The following MINAR2 variants were observed in gnomAD, a reference collection of about 807,000 sequenced individuals.
MINAR2 encodes the protein membrane integral NOTCH2 associated receptor 2.
MINAR2 carries 21 observed loss-of-function variants against 16.1 expected under a neutral mutation model. The observed-to-expected ratio is 1.31, with a 90% CI of 0.93 to 1.88. The LOEUF is 1.88. Among genes scored for constraint, MINAR2 ranks in the 40% most tolerant of loss-of-function variants. The pLI is 0.00. For synonymous variants in MINAR2, 86 were observed against 83.0 expected (o/e 1.04, Z -0.20); for missense variants, 259 against 229.8 (o/e 1.13, Z -0.82).
chr5:129,752,741 T>A (rs192444609), intron 1 of MINAR2, among the ~76,000 whole-genome samples: 126 of 151,150 alleles, frequency 8.3e-4, no homozygotes, highest in Middle Eastern at 3.4e-3. Context: ...AAGTATAATT[T>A]AAAAAAATTC....
At chr5:129,760,229 C>T (rs775824684) in intron 1 of MINAR2, 149 bp from the exon 2 acceptor site, 24 of 636,512 alleles carry the variant, frequency 3.8e-5, no homozygotes, top group Middle Eastern at 4.3e-4. Context: ...CTAGGTCAAA[C>T]GAAACCCTAG....
chr5:129,754,748 G>T (rs1405196420), intron 1 of MINAR2, among the ~76,000 whole-genome samples: 1 of 152,098 alleles, frequency 6.6e-6, no homozygotes, highest in African/African-American at 2.4e-5. Flanking sequence ...AATCCAGAAA[G>T]TGTGTTAACA....
intron 1 of MINAR2, among the ~76,000 whole-genome samples, chr5:129,753,745 T>C (rs776061568): frequency 1.4e-5 from 2 of 148,060 alleles, no homozygotes; most frequent in African/African-American, 2.5e-5. Flanking sequence ...AGGGTGGGAC[T>C]CCGTTGAAAG....
At chr5:129,755,761 T>G (rs1207422271) in intron 1 of MINAR2, among the ~76,000 whole-genome samples, 1 of 152,130 alleles carries the variant, frequency 6.6e-6, no homozygotes, top group African/African-American at 2.4e-5. Context: ...TGAAATAGCT[T>G]TCAACTTTGT....
rs1482034509 is a variant in MINAR2, at chr5:129,760,448, G to GC, written c.242dup (p.Pro82ThrfsTer10). On this transcript the variant is annotated frameshift_variant, in exon 2 of 3. Coordinates refer to ENST00000564719, the MANE Select transcript of MINAR2 (RefSeq NM_001257308.2). LOFTEE classifies it high-confidence loss of function. ...GCAGACAGCCTTGTCACTGCTGATA[G>GC]CCCCCCACCATCCATGTCATCAGTT... is the stretch of plus-strand genomic sequence containing the variant. 1 of 1,535,740 alleles carries GC rather than the reference G, an allele frequency of 6.5e-7. No homozygotes were observed. The highest frequency in any genetic ancestry group is 8.7e-7 in the Non-Finnish European group (1 of 1,146,560).
chr5:129,760,513 G>A lies in MINAR2; in HGVS notation c.301G>A (p.Glu101Lys), dbSNP rs1758119714. Residue 101 changes from glutamate (E) to lysine (K), a missense_variant, in exon 2 of 3, where the codon GAA (glutamate) becomes AAA (lysine). Glu to Lys is a moderately conservative substitution (Grantham distance 56). Coordinates refer to ENST00000564719, the MANE Select transcript of MINAR2 (RefSeq NM_001257308.2). Reference sequence around the variant, plus strand: ...ACTCTATGGTGACCTAAGTTTGGAGGAAGCTATGGAAGAAAGAAAAAAGAA... The same window carrying A: ...ACTCTATGGTGACCTAAGTTTGGAGAAAGCTATGGAAGAAAGAAAAAAGAA... Reference protein sequence around the residue: ...NPLYGDLSLEEAMEERKKNPS... With the variant: ...NPLYGDLSLEKAMEERKKNPS... The A allele has an allele frequency of 4.6e-6, 7 of 1,535,604 alleles. No individual in the cohort carries two copies. The Admixed American group carries it at 1.4e-4, about 30-fold the overall frequency.
intron 1 of MINAR2, among the ~76,000 whole-genome samples, chr5:129,757,897 T>A (rs1475957875): frequency 2.6e-5 from 4 of 151,952 alleles, no homozygotes; most frequent in African/African-American, 9.7e-5. Flanking sequence ...TCTCTCATAT[T>A]TCTCTTTTAC....
chr5:129,757,082 A>C (rs921548554), intron 1 of MINAR2, among the ~76,000 whole-genome samples: 2 of 149,724 alleles, frequency 1.3e-5, no homozygotes, highest in African/African-American at 2.5e-5. Context: ...ATATATATAT[A>C]TCTCATCACA....
Position 129,748,258 on chromosome 5 carries a change from T to C in MINAR2, c.68T>C (p.Leu23Ser), listed in dbSNP as rs145318066. The change falls in exon 1 of 3, where the codon TTA becomes TCA. Residue 23 changes from leucine (L) to serine (S), a missense_variant. By Grantham distance (145) the Leu-to-Ser change is moderately radical. Transcript: ENST00000564719. The part of the protein sequence containing the change: ...DKFLQLDVKS[L>S]TRSSALLQAS... ...TTCCTGCAGCTTGACGTAAAGTCTT[T>C]AACGAGGAGCTCAGCCCTCCTTCAG... is the stretch of plus-strand genomic sequence containing the variant. The C allele has an allele frequency of 2.6e-6, 4 of 1,535,276 alleles. No individual in the cohort carries two copies. The East Asian group carries it at 7.3e-5, about 28-fold the overall frequency.
chr5:129,759,786 A>G (rs1223383171), intron 1 of MINAR2, among the ~76,000 whole-genome samples: 1 of 151,500 alleles, frequency 6.6e-6, no homozygotes, highest in Non-Finnish European at 1.5e-5. Flanking sequence ...CAATTTGAAA[A>G]GTTTTTAAAA....
intron 1 of MINAR2, among the ~76,000 whole-genome samples, chr5:129,755,207 G>T (rs763864998): frequency 3.8e-4 from 58 of 151,954 alleles, no homozygotes; most frequent in Middle Eastern, 3.4e-3. Context: ...GTTTTATCTT[G>T]TTACATATAA....
At chr5:129,762,804 ACATC>A (rs2149547036) in intron 2 of MINAR2, 2 of 172,300 alleles carry the variant, frequency 1.2e-5, no homozygotes, top group South Asian at 3.4e-4. Context: ...GGCACAAATC[ACATC>A]TGATTATAAA....
intron 2 of MINAR2, among the ~76,000 whole-genome samples, chr5:129,763,523 A>T (rs1173563679): frequency 1.3e-5 from 2 of 152,224 alleles, no homozygotes; most frequent in African/African-American, 2.4e-5. Flanking sequence ...AGAATGTGAC[A>T]AAATAGTCTC....
chr5:129,752,988 T>C (rs926249622), intron 1 of MINAR2, among the ~76,000 whole-genome samples: 2 of 152,128 alleles, frequency 1.3e-5, no homozygotes, highest in Non-Finnish European at 2.9e-5. Context: ...CTAGACAATG[T>C]CATTTACTGA....
intron 1 of MINAR2, among the ~76,000 whole-genome samples, chr5:129,749,195 C>T (rs543840820): frequency 2.6e-5 from 4 of 152,284 alleles, no homozygotes; most frequent in Admixed American, 2.0e-4. Context: ...CATTTCATTA[C>T]AGAACAGATG....
At chr5:129,763,816 C>T (rs1176304333) in intron 2 of MINAR2, among the ~76,000 whole-genome samples, 1 of 152,184 alleles carries the variant, frequency 6.6e-6, no homozygotes, top group Non-Finnish European at 1.5e-5. Context: ...AGCAGTGCAC[C>T]TGGAAGTCTG....
Position 129,757,348 on chromosome 5 carries a change from A to G in MINAR2, c.166-3030A>G, listed in dbSNP as rs188444066. ...ATTAGCGAGCATTTAGTCAGTCACA[A>G]CACCCAGTTCTCAATGTTTACATTT... On this transcript the variant is annotated intron_variant, in intron 1 of 2. Coordinates refer to ENST00000564719, the MANE Select transcript of MINAR2 (RefSeq NM_001257308.2). 3.3e-5 allele frequency among the ~76,000 whole-genome samples: 5 copies of G among 152,058 alleles called. No individual in the cohort carries two copies. In the East Asian group the frequency reaches 9.7e-4, roughly 29 times the overall value.
At chr5:129,756,315 ACAT>A (rs1758053098) in intron 1 of MINAR2, among the ~76,000 whole-genome samples, 1 of 151,790 alleles carries the variant, frequency 6.6e-6, no homozygotes, top group South Asian at 2.1e-4. Context: ...TTTATGGTTC[ACAT>A]CTTCTTTATT....
rs74757867 is a variant in MINAR2, at chr5:129,748,361, A to C, written c.165+6A>C. ...AAAACCTTGTCTACTCACAGGTAAGATCTAGGGGCACAAAAATACGGGGAT... is the reference window on the plus strand; with the variant it reads ...AAAACCTTGTCTACTCACAGGTAAGCTCTAGGGGCACAAAAATACGGGGAT... On this transcript the variant is annotated splice_donor_region_variant and intron_variant, in intron 1 of 2. Transcript: ENST00000564719. 1,219 of 1,530,954 alleles carry C rather than the reference A, an allele frequency of 8.0e-4. 6 individuals are homozygous for C. The African/African-American group carries it at 0.012, about 15-fold the overall frequency. 94.8% of individuals were successfully genotyped at this position (1,530,954 alleles called of 1,614,324 possible). A position where few individuals can be genotyped will look rare whatever the true frequency, so the allele number is the denominator to read the frequency against.
Sources: gnomAD v4.1 joint callset for allele counts (sites outside exome capture counted in the v4.1 genomes callset) on GRCh38, gnomAD v4.1.1 for gene constraint, MANE v1.5 for transcripts, NCBI Gene and HGNC (gene_info 2026-07-23, HGNC 2026-07-21) for gene names.